Variants in UBE2G1 observed in about 807,000 individuals in gnomAD.
UBE2G1 encodes the protein ubiquitin-conjugating enzyme E2 G1.
A neutral mutation model predicts 22.7 loss-of-function variants in UBE2G1; 5 were observed. That is an observed-to-expected ratio of 0.22 (90% confidence interval 0.12 to 0.46). The LOEUF is 0.46. UBE2G1 is among the 20% of genes least tolerant of loss of function. The probability of loss-of-function intolerance (pLI) is 0.99; values close to 1 mark genes in which losing one functional copy is unlikely to be tolerated. For missense variants in UBE2G1, 88 were observed against 203.9 expected, an observed-to-expected ratio of 0.43 and a Z score of 3.46; for synonymous variants, 74 against 67.5, an observed-to-expected ratio of 1.10 and a Z score of -0.47.
intron 1 of UBE2G1, among the ~76,000 whole-genome samples, chr17:4,346,431 C>CTTTTT (rs67852481): frequency 7.5e-5 from 9 of 120,530 alleles, no homozygotes; most frequent in East Asian, 2.3e-4. Flanking sequence ...TTTTCTTCTT[C>CTTTTT]TTTTTTTTTT....
At position 4,270,922 on chromosome 17, in the gene UBE2G1, C is replaced by A. The variant is rs1302465260; in HGVS notation, c.*1632G>T. ...TGGCAGGAGTTCTTTCACTCTTCTG[C>A]CAAAGCATTTCTCCAAACCCCACAG... is the stretch of plus-strand genomic sequence containing the variant. On this transcript the variant is annotated 3_prime_UTR_variant, in exon 6 of 6. Transcript: ENST00000396981. 1.3e-5 allele frequency: 2 copies of A among 152,162 alleles called. No individual in the cohort carries two copies. Among genetic ancestry groups the A allele is most frequent in the Non-Finnish European group, 2.9e-5 (2 of 68,038 alleles). 9.4% of individuals were successfully genotyped at this position (152,162 alleles called of 1,614,324 possible).
At chr17:4,327,061 C>T (rs1460067009) in intron 1 of UBE2G1, among the ~76,000 whole-genome samples, 2 of 152,074 alleles carry the variant, frequency 1.3e-5, no homozygotes, top group Admixed American at 6.5e-5. Flanking sequence ...TTTGGGAGGC[C>T]GAGGCAGGTG....
chr17:4,301,352 G>C (rs904329300), intron 2 of UBE2G1: 10 of 499,260 alleles, frequency 2.0e-5, no homozygotes, highest in Admixed American at 8.5e-5. Flanking sequence ...GCGCAATGGA[G>C]GAGAAGGATG....
intron 4 of UBE2G1, among the ~76,000 whole-genome samples, chr17:4,284,002 C>T (rs28524071): frequency 0.035 from 5,244 of 151,446 alleles, 337 homozygotes; most frequent in African/African-American, 0.12. Flanking sequence ...CTAAAAGATA[C>T]AAAAATTAGC....
intron 4 of UBE2G1, among the ~76,000 whole-genome samples, chr17:4,285,931 C>G (rs546514075): frequency 1.4e-5 from 2 of 142,838 alleles, no homozygotes; most frequent in South Asian, 4.5e-4. Context: ...AGCCTGGCGA[C>G]AGAGCGAGAC....
Position 4,361,946 on chromosome 17 carries a change from A to G in UBE2G1, c.46+4325T>C, listed in dbSNP as rs1218695077. On this transcript the variant is annotated intron_variant, in intron 1 of 5. Coordinates refer to ENST00000396981, the MANE Select transcript of UBE2G1 (RefSeq NM_003342.5). ...CACTGCAATCCAGCCTGGGCGACAG[A>G]GCAAGACTGTCTCAAAAAAAAAAAA... Among the ~76,000 whole-genome samples, 21 of 135,550 alleles carry G rather than the reference A, an allele frequency of 1.5e-4. 1 individual carries two copies. The allele number at this position is 135,550 out of a possible 152,430, so 88.9% of individuals were successfully genotyped here. A position where few individuals can be genotyped will look rare whatever the true frequency, so the allele number is the denominator to read the frequency against.
chr17:4,279,383 G>A (rs1252440932), intron 5 of UBE2G1, among the ~76,000 whole-genome samples: 2 of 152,068 alleles, frequency 1.3e-5, no homozygotes, highest in Non-Finnish European at 2.9e-5. Flanking sequence ...TGAAAGCAAG[G>A]ACTTGTCAAT....
At chr17:4,364,049 G>A (rs1441346300) in intron 1 of UBE2G1, 1 of 150,166 alleles carries the variant, frequency 6.7e-6, no homozygotes, top group Non-Finnish European at 1.5e-5. Context: ...CGGATCACCA[G>A]GTCAGGAGTT....
intron 3 of UBE2G1, among the ~76,000 whole-genome samples, chr17:4,294,415 CA>C (rs68047533): frequency 4.4e-4 from 52 of 117,162 alleles, no homozygotes; most frequent in African/African-American, 2.3e-3. Context: ...GACTCCGTCT[CA>C]AAAAAAAAAA....
chr17:4,309,607 G>A (rs532991137), intron 1 of UBE2G1, among the ~76,000 whole-genome samples: 1 of 152,208 alleles, frequency 6.6e-6, no homozygotes, highest in Non-Finnish European at 1.5e-5. Context: ...GGAACAGAGT[G>A]CAGCACACAC....
At chr17:4,354,267 A>G (rs543194462) in intron 1 of UBE2G1, among the ~76,000 whole-genome samples, 1 of 152,300 alleles carries the variant, frequency 6.6e-6, no homozygotes, top group East Asian at 1.9e-4. Context: ...ACAACCCTAA[A>G]GCAGCTGTAT....
chr17:4,311,629 G>C (rs1969310873), intron 1 of UBE2G1, among the ~76,000 whole-genome samples: 1 of 152,198 alleles, frequency 6.6e-6, no homozygotes, highest in South Asian at 2.1e-4. Flanking sequence ...AGGGAAGGGA[G>C]AAAGGGGGCG....
At chr17:4,312,118 C>T (rs1043347465) in intron 1 of UBE2G1, among the ~76,000 whole-genome samples, 4 of 151,442 alleles carry the variant, frequency 2.6e-5, no homozygotes, top group East Asian at 1.9e-4. Context: ...TGGTGGTGGG[C>T]GCCTGTAGTC....
intron 2 of UBE2G1, chr17:4,302,632 T>C (rs1482864353): frequency 2.9e-6 from 1 of 348,684 alleles, no homozygotes; most frequent in Non-Finnish European, 5.7e-6. Flanking sequence ...TTGTGAATCA[T>C]GCCCAGGGTG....
In UBE2G1 at chr17:4,272,005, TCAAAA is replaced by T. The variant is rs2143661245; in HGVS notation, c.*544_*548del. Reference sequence around the variant, plus strand: ...AGAGATAAAAGCAAAGGGGAGTGTGTCAAAACAAAGAAGATACAAAAGTTTAGTAA... The same window carrying T: ...AGAGATAAAAGCAAAGGGGAGTGTGTCAAAGAAGATACAAAAGTTTAGTAA... On this transcript the variant is annotated 3_prime_UTR_variant, in exon 6 of 6. Coordinates refer to ENST00000396981, the MANE Select transcript of UBE2G1 (RefSeq NM_003342.5). 1 of 152,682 alleles carries T rather than the reference TCAAAA, an allele frequency of 6.5e-6. No individual in the cohort carries two copies. Among genetic ancestry groups the T allele is most frequent in the South Asian group, 2.1e-4 (1 of 4,834 alleles). The allele number at this position is 152,682 out of a possible 1,614,324, so 9.5% of individuals were successfully genotyped here.
chr17:4,276,502 G>A (rs933131995), intron 5 of UBE2G1, among the ~76,000 whole-genome samples: 3 of 152,142 alleles, frequency 2.0e-5, no homozygotes, highest in African/African-American at 7.2e-5. Flanking sequence ...TTTGTTTTAT[G>A]CTTGGTCTAC....
intron 1 of UBE2G1, among the ~76,000 whole-genome samples, chr17:4,321,561 T>C (rs1969438785): frequency 6.6e-6 from 1 of 152,270 alleles, no homozygotes; most frequent in East Asian, 1.9e-4. Flanking sequence ...AGTGTGTTCA[T>C]GGCTCACTGC....
intron 5 of UBE2G1, among the ~76,000 whole-genome samples, chr17:4,273,623 A>T (rs1383166663): frequency 6.8e-6 from 1 of 146,178 alleles, no homozygotes; most frequent in Non-Finnish European, 1.5e-5. Flanking sequence ...GATTACAGGC[A>T]TGTGCTACTG....
chr17:4,291,545 A>G (rs1284271611), intron 3 of UBE2G1, among the ~76,000 whole-genome samples: 2 of 152,156 alleles, frequency 1.3e-5, no homozygotes, highest in Non-Finnish European at 2.9e-5. Flanking sequence ...CCACCACTAT[A>G]TAAGATCCAT....
Sources: gnomAD v4.1 joint callset for allele counts (sites outside exome capture counted in the v4.1 genomes callset) on GRCh38, gnomAD v4.1.1 for gene constraint, MANE v1.5 for transcripts, NCBI Gene and HGNC (gene_info 2026-07-23, HGNC 2026-07-21) for gene names.